The following NUBPL variants were observed in gnomAD, a reference collection of about 807,000 sequenced individuals.
NUBPL encodes the protein NUBP iron-sulfur cluster assembly factor, mitochondrial, also known as iron-sulfur cluster transfer protein NUBPL.
In NUBPL, 31 loss-of-function variants were observed where a neutral mutation model predicts 45.7. That is an observed-to-expected ratio of 0.68 (90% CI 0.51 to 0.92). NUBPL has a LOEUF of 0.92. NUBPL is among the 40% of genes least tolerant of loss of function. The pLI is 0.00. For synonymous variants in NUBPL, 144 were observed against 140.9 expected, an observed-to-expected ratio of 1.02 and a Z score of -0.15; for missense variants, 401 against 398.7, an observed-to-expected ratio of 1.01 and a Z score of -0.05.
At chr14:31,633,871 A>G (rs1171007398) in intron 4 of NUBPL, among the ~76,000 whole-genome samples, 1 of 152,106 alleles carries the variant, frequency 6.6e-6, no homozygotes, top group Non-Finnish European at 1.5e-5. Flanking sequence ...TTTTTCTTAT[A>G]TAATGCAATT....
At chr14:31,830,073 G>A (rs1462772743) in intron 8 of NUBPL, among the ~76,000 whole-genome samples, 2 of 152,050 alleles carry the variant, frequency 1.3e-5, no homozygotes, top group Non-Finnish European at 2.9e-5. Flanking sequence ...ATGTCAAAGG[G>A]ATTTCACTAT....
chr14:31,677,108 C>T (rs2036719000), intron 6 of NUBPL, among the ~76,000 whole-genome samples: 1 of 152,014 alleles, frequency 6.6e-6, no homozygotes, highest in African/African-American at 2.4e-5. Flanking sequence ...TTGATACAGA[C>T]AGGCACTGAG....
At chr14:31,614,810 G>T (rs1446978271) in intron 4 of NUBPL, among the ~76,000 whole-genome samples, 1 of 152,160 alleles carries the variant, frequency 6.6e-6, no homozygotes, top group Non-Finnish European at 1.5e-5. Context: ...ACTAGCCATT[G>T]ATTATAAGCA....
rs149152787 is a variant in NUBPL at position 31,603,661 on chromosome 14, A to G, written c.382+4282A>G. ...TTTGGATAATTCTTTATGAGACAGT[A>G]AAGATTCTCCCTAACATTTTGAAGA... On this transcript the variant is annotated intron_variant, in intron 4 of 10. Transcript: ENST00000281081. Among the ~76,000 whole-genome samples the G allele has an allele frequency of 2.7e-3, 415 of 152,334 alleles. 2 individuals carry two copies. Among genetic ancestry groups the G allele is most frequent in the Middle Eastern group, 6.8e-3 (2 of 294 alleles).
chr14:31,859,531 G>C lies in NUBPL; in HGVS notation c.*351G>C. 2.9e-6 allele frequency: 1 copy of C among 348,220 alleles called. No homozygotes were observed. The highest frequency in any genetic ancestry group is 2.4e-5 in the South Asian group (1 of 41,496). The allele number at this position is 348,220 out of a possible 1,614,324, so 21.6% of individuals were successfully genotyped here. The stretch of plus-strand genomic sequence containing the variant: ...GGACCACAGAATTAGTAATTTAAAT[G>C]ATATACTAAATTTGTGTATGGGCAT... On this transcript the variant is annotated 3_prime_UTR_variant, in exon 11 of 11. Coordinates refer to ENST00000281081, the MANE Select transcript of NUBPL (RefSeq NM_025152.3).
intron 4 of NUBPL, among the ~76,000 whole-genome samples, chr14:31,650,062 C>G (rs2035958714): frequency 1.3e-5 from 2 of 151,874 alleles, no homozygotes; most frequent in Admixed American, 6.6e-5. Flanking sequence ...TTTTGCCATG[C>G]TGGTCAGGCT....
intron 6 of NUBPL, among the ~76,000 whole-genome samples, chr14:31,695,422 A>T (rs2037194461): frequency 6.6e-6 from 1 of 150,928 alleles, no homozygotes; most frequent in Non-Finnish European, 1.5e-5. Flanking sequence ...GATTGGCACC[A>T]ACTGTTCCCA....
intron 3 of NUBPL, 78 bp from the exon 4 acceptor site, chr14:31,599,211 C>T (rs773002045): frequency 9.2e-7 from 1 of 1,089,970 alleles, no homozygotes; most frequent in South Asian, 1.3e-5. Flanking sequence ...CTATATGCTT[C>T]ACCTTTGAGA....
intron 6 of NUBPL, among the ~76,000 whole-genome samples, chr14:31,690,692 C>A (rs140285828): frequency 6.6e-6 from 1 of 152,054 alleles, no homozygotes; most frequent in Non-Finnish European, 1.5e-5. Context: ...CATGACTTCA[C>A]GGAATTTATG....
rs186702802 is a variant in NUBPL, at chr14:31,649,096, A to C, written c.383-24259A>C. On this transcript the variant is annotated intron_variant, in intron 4 of 10. Coordinates refer to ENST00000281081, the MANE Select transcript of NUBPL (RefSeq NM_025152.3). ...GTGCTGGGATTTACAGGCATGAGCC[A>C]ATGCTCCTGGCCCCAAGTTTTGTTT... 5.7e-4 allele frequency among the ~76,000 whole-genome samples: 87 copies of C among 152,320 alleles called. 1 individual carries two copies. The East Asian group carries it at 0.014, about 24-fold the overall frequency.
intron 4 of NUBPL, chr14:31,662,114 T>C (rs2036284491): frequency 6.6e-6 from 1 of 152,032 alleles, no homozygotes; most frequent in Non-Finnish European, 1.5e-5. Context: ...ATCATTCCAA[T>C]TTCAGTTTAG....
rs114413326 is a variant in NUBPL at position 31,819,177 on chromosome 14, C to T, written c.608-7452C>T. Among the ~76,000 whole-genome samples, 1,372 of 152,150 alleles carry T rather than the reference C, an allele frequency of 9.0e-3. 22 individuals carry two copies. The highest frequency in any genetic ancestry group is 0.031 in the African/African-American group (1,302 of 41,530). On this transcript the variant is annotated intron_variant, in intron 7 of 10. Coordinates refer to ENST00000281081, the MANE Select transcript of NUBPL (RefSeq NM_025152.3). Reference sequence around the variant, plus strand: ...AAAGACAGAGGAGAGCTAAAAAATACCAATGCCAATCTACTTTATAGTTAA... The same window carrying T: ...AAAGACAGAGGAGAGCTAAAAAATATCAATGCCAATCTACTTTATAGTTAA...
chr14:31,600,528 G>A (rs943567985), intron 4 of NUBPL, among the ~76,000 whole-genome samples: 5 of 152,198 alleles, frequency 3.3e-5, no homozygotes, highest in Non-Finnish European at 5.9e-5. Context: ...GACTGTGGTC[G>A]TGGCTTGAAA....
chr14:31,793,215 G>GA (rs1358649584), intron 7 of NUBPL, among the ~76,000 whole-genome samples: 4 of 151,724 alleles, frequency 2.6e-5, no homozygotes, highest in South Asian at 2.1e-4. Context: ...GATCCCTCTA[G>GA]AAAAAAACCC....
chr14:31,762,319 A>T (rs1045124928), intron 6 of NUBPL, among the ~76,000 whole-genome samples: 2 of 152,228 alleles, frequency 1.3e-5, no homozygotes. Context: ...GATAGCACCT[A>T]TAAAATTGAT....
chr14:31,651,784 A>C (rs531875831), intron 4 of NUBPL, among the ~76,000 whole-genome samples: 1 of 152,026 alleles, frequency 6.6e-6, no homozygotes, highest in East Asian at 1.9e-4. Context: ...CTATAGTCCC[A>C]GCTACTCAGG....
chr14:31,629,760 G>C (rs1032561334), intron 4 of NUBPL, among the ~76,000 whole-genome samples: 1 of 152,098 alleles, frequency 6.6e-6, no homozygotes, highest in Non-Finnish European at 1.5e-5. Flanking sequence ...ATATGCCGAG[G>C]TACAAAGAGA....
chr14:31,748,267 T>C (rs934192919), intron 6 of NUBPL, among the ~76,000 whole-genome samples: 1 of 152,236 alleles, frequency 6.6e-6, no homozygotes, highest in Admixed American at 6.5e-5. Flanking sequence ...GAAGAATGTG[T>C]ATTCTGCAGC....
intron 3 of NUBPL, among the ~76,000 whole-genome samples, chr14:31,588,398 A>G (rs954863719): frequency 1.4e-4 from 20 of 139,500 alleles, no homozygotes; most frequent in Admixed American, 4.5e-4. Flanking sequence ...CAAAAATCCT[A>G]TAAATTAGAT....
Sources: allele counts gnomAD v4.1 joint callset (sites outside exome capture counted in the v4.1 genomes callset), GRCh38; gene constraint gnomAD v4.1.1; transcripts MANE v1.5; gene names NCBI Gene and HGNC (gene_info 2026-07-23, HGNC 2026-07-21).